Variants in FTO observed in about 807,000 individuals in gnomAD.
The protein encoded by FTO is FTO alpha-ketoglutarate dependent dioxygenase.
A neutral mutation model predicts 63.9 loss-of-function variants in FTO; 47 were observed. That is an observed-to-expected ratio of 0.74 (90% CI 0.58 to 0.94). The LOEUF (loss-of-function observed/expected upper bound fraction) is 0.94, where lower values mean the gene tolerates loss of function less well. FTO is among the 40% of genes least tolerant of loss of function. The pLI is 0.00. For synonymous variants in FTO, 207 were observed against 224.4 expected (o/e 0.92, Z 0.69); for missense variants, 562 against 618.1 (o/e 0.91, Z 0.96).
At chr16:53,724,914 C>T (rs2076121026) in intron 1 of FTO, among the ~76,000 whole-genome samples, 1 of 152,168 alleles carries the variant, frequency 6.6e-6, no homozygotes, top group African/African-American at 2.4e-5. Context: ...ATAATTTTAG[C>T]ATTGAACTTA....
intron 1 of FTO, among the ~76,000 whole-genome samples, chr16:53,774,936 T>C (rs1360795030): frequency 7.9e-5 from 12 of 152,204 alleles, no homozygotes; most frequent in Non-Finnish European, 1.6e-4. Flanking sequence ...TATTGCCTCA[T>C]GACTATGTTG....
At chr16:53,864,278 G>A (rs1194323154) in intron 4 of FTO, among the ~76,000 whole-genome samples, 1 of 152,154 alleles carries the variant, frequency 6.6e-6, no homozygotes, top group Non-Finnish European at 1.5e-5. Context: ...AGTCATGATT[G>A]TTTCTCTAAG....
intron 4 of FTO, among the ~76,000 whole-genome samples, chr16:53,864,020 G>A (rs755304801): frequency 3.3e-5 from 5 of 152,160 alleles, no homozygotes; most frequent in Non-Finnish European, 7.3e-5. Context: ...CTAGGAATGG[G>A]ACGGGGCCTG....
At position 54,031,393 on chromosome 16, in the gene FTO, C is replaced by G. The variant is rs150777971; in HGVS notation, c.1365-80369C>G. The stretch of plus-strand genomic sequence containing the variant: ...GATGGGAGATATTTCTCATATTTGC[C>G]TTCCCAAGAATTTGGAAGCTAGGGT... On this transcript the variant is annotated intron_variant, in intron 8 of 8. Transcript: ENST00000471389. Among the ~76,000 whole-genome samples, 411 of 152,272 alleles carry G rather than the reference C, an allele frequency of 2.7e-3. 2 individuals carry two copies. The highest frequency in any genetic ancestry group is 9.7e-3 in the African/African-American group (403 of 41,554).
chr16:53,729,769 C>G lies in FTO; in HGVS notation c.45+25540C>G, dbSNP rs547681960. Among the ~76,000 whole-genome samples, 8 of 152,102 alleles carry G rather than the reference C, an allele frequency of 5.3e-5. No individual in the cohort carries two copies. In the East Asian group the frequency reaches 1.5e-3, roughly 29 times the overall value. ...TTTCTCTTTCTAGACTCTTCTCCTCCCTTCTCATTGGCACCTAGAGAATGA... is the reference window on the plus strand; with the variant it reads ...TTTCTCTTTCTAGACTCTTCTCCTCGCTTCTCATTGGCACCTAGAGAATGA... On this transcript the variant is annotated intron_variant, in intron 1 of 8. Coordinates refer to ENST00000471389, the MANE Select transcript of FTO (RefSeq NM_001080432.3).
chr16:53,998,827 T>C (rs2084002171), intron 8 of FTO: 1 of 152,246 alleles, frequency 6.6e-6, no homozygotes, highest in South Asian at 2.1e-4. Context: ...ATTAGTCTGA[T>C]TGAATTATAT....
chr16:53,704,276 A>C (rs377637777), intron 1 of FTO, 47 bp downstream of exon 1: 2 of 1,538,704 alleles, frequency 1.3e-6, no homozygotes, highest in Non-Finnish European at 8.8e-7. Context: ...GCTGTGAGCA[A>C]GGATCAGGGA....
chr16:53,889,311 G>T (rs2081088722), intron 7 of FTO, among the ~76,000 whole-genome samples: 1 of 152,130 alleles, frequency 6.6e-6, no homozygotes, highest in African/African-American at 2.4e-5. Flanking sequence ...ATGCTAAGAG[G>T]TATAGAAACT....
At chr16:53,747,561 G>A (rs1051859304) in intron 1 of FTO, among the ~76,000 whole-genome samples, 4 of 151,962 alleles carry the variant, frequency 2.6e-5, no homozygotes, top group African/African-American at 7.2e-5. Context: ...AGGTATTTGA[G>A]TTTAGATATT....
intron 4 of FTO, among the ~76,000 whole-genome samples, chr16:53,862,572 G>C (rs1478134042): frequency 7.4e-6 from 1 of 134,454 alleles, no homozygotes; most frequent in Non-Finnish European, 1.5e-5. Flanking sequence ...GAGTCTCTCT[G>C]TCGCCCAGGC....
At chr16:53,776,121 A>G (rs2077453259) in intron 1 of FTO, among the ~76,000 whole-genome samples, 1 of 152,166 alleles carries the variant, frequency 6.6e-6, no homozygotes, top group Admixed American at 6.5e-5. Flanking sequence ...GAGCAAACTA[A>G]TGCTGAGTTT....
At chr16:53,892,455 T>C (rs1164326826) in intron 7 of FTO, among the ~76,000 whole-genome samples, 6 of 152,164 alleles carry the variant, frequency 3.9e-5, no homozygotes, top group Admixed American at 3.9e-4. Flanking sequence ...AGTACAGTGT[T>C]TGGTGCACAT....
At chr16:53,967,862 G>C (rs772777915) in intron 8 of FTO, among the ~76,000 whole-genome samples, 7 of 152,222 alleles carry the variant, frequency 4.6e-5, no homozygotes, top group Non-Finnish European at 8.8e-5. Flanking sequence ...TTTGACGGTT[G>C]TGCTTGTGTG....
intron 2 of FTO, among the ~76,000 whole-genome samples, chr16:53,822,132 A>G (rs913934491): frequency 1.3e-5 from 2 of 152,176 alleles, no homozygotes; most frequent in Non-Finnish European, 2.9e-5. Context: ...CAGAGGAGGA[A>G]TCCAGAACTA....
At chr16:53,947,633 G>A (rs1193809348) in intron 8 of FTO, among the ~76,000 whole-genome samples, 1 of 152,136 alleles carries the variant, frequency 6.6e-6, no homozygotes, top group Non-Finnish European at 1.5e-5. Context: ...GAATGTACTC[G>A]AAAATTGCCT....
At chr16:53,817,053 T>C (rs1440318826) in intron 2 of FTO, among the ~76,000 whole-genome samples, 1 of 152,266 alleles carries the variant, frequency 6.6e-6, no homozygotes, top group Non-Finnish European at 1.5e-5. Context: ...TTTTGGTTTA[T>C]ACTGTTAAAT....
At chr16:54,038,433 C>A (rs1314521563) in intron 8 of FTO, among the ~76,000 whole-genome samples, 6 of 152,194 alleles carry the variant, frequency 3.9e-5, no homozygotes, top group African/African-American at 7.2e-5. Context: ...GTGCCTCCCC[C>A]ACCTTCCCAG....
At chr16:54,055,049 A>G (rs2085399661) in intron 8 of FTO, among the ~76,000 whole-genome samples, 1 of 152,206 alleles carries the variant, frequency 6.6e-6, no homozygotes, top group South Asian at 2.1e-4. Flanking sequence ...TGGAGAATGA[A>G]GTTGCACTGG....
intron 5 of FTO, among the ~76,000 whole-genome samples, chr16:53,875,155 G>A (rs1453505995): frequency 6.8e-6 from 1 of 147,536 alleles, no homozygotes; most frequent in African/African-American, 2.4e-5. Flanking sequence ...TCTAATATGT[G>A]CCTTGTATTA....
Sources: gnomAD v4.1 joint callset for allele counts (sites outside exome capture counted in the v4.1 genomes callset) on GRCh38, gnomAD v4.1.1 for gene constraint, MANE v1.5 for transcripts, NCBI Gene and HGNC (gene_info 2026-07-23, HGNC 2026-07-21) for gene names.